HELZ: variants seen among roughly 807,000 people sequenced by gnomAD.
HELZ encodes helicase with zinc finger.
In HELZ, 23 loss-of-function variants were observed where a neutral mutation model predicts 218.2. The observed-to-expected ratio is 0.11, with a 90% CI of 0.08 to 0.15. The LOEUF (loss-of-function observed/expected upper bound fraction) is 0.15, where lower values mean the gene tolerates loss of function less well. HELZ is among the 10% of genes least tolerant of loss of function. The pLI is 1.00. For missense variants in HELZ, 1,813 were observed against 2,353.7 expected, an observed-to-expected ratio of 0.77 and a Z score of 4.75; for synonymous variants, 814 against 829.4, an observed-to-expected ratio of 0.98 and a Z score of 0.32.
At chr17:67,142,532 A>T (rs1402782935) in intron 21 of HELZ, among the ~76,000 whole-genome samples, 1 of 152,138 alleles carries the variant, frequency 6.6e-6, no homozygotes, top group Admixed American at 6.6e-5. Context: ...ACAAACAGGC[A>T]GAGATTTTCA....
intron 14 of HELZ, 71 bp from the exon 15 acceptor site, chr17:67,166,679 C>T (rs1399721047): frequency 7.3e-7 from 1 of 1,367,478 alleles, no homozygotes; most frequent in Non-Finnish European, 1.0e-6. Flanking sequence ...CACTAGAATA[C>T]TTTGGGAGGA....
At chr17:67,215,844 AT>A in intron 5 of HELZ, 54 bp downstream of exon 5, 1 of 1,200,836 alleles carries the variant, frequency 8.3e-7, no homozygotes, top group Non-Finnish European at 1.2e-6. Context: ...AAAAAAAAAA[AT>A]CAAACCTTAA....
At chr17:67,204,065 G>A (rs902938188) in intron 5 of HELZ, among the ~76,000 whole-genome samples, 1 of 152,160 alleles carries the variant, frequency 6.6e-6, no homozygotes, top group African/African-American at 2.4e-5. Context: ...CACAGCAACT[G>A]CTAATGGTTC....
intron 25 of HELZ, 142 bp downstream of exon 25, chr17:67,123,815 CTGTGTG>C (rs58616216): frequency 3.0e-4 from 160 of 534,728 alleles, no homozygotes; most frequent in Admixed American, 1.1e-3. Flanking sequence ...TCCAAAGTGA[CTGTGTG>C]TGTGTGTGTG....
At chr17:67,201,703 C>T (rs1381274068) in intron 6 of HELZ, among the ~76,000 whole-genome samples, 1 of 152,126 alleles carries the variant, frequency 6.6e-6, no homozygotes, top group Non-Finnish European at 1.5e-5. Flanking sequence ...TTACTCTTTA[C>T]TCGTTTTAAA....
chr17:67,190,938 G>T (rs1030239176), intron 9 of HELZ, among the ~76,000 whole-genome samples: 1 of 151,940 alleles, frequency 6.6e-6, no homozygotes, highest in African/African-American at 2.4e-5. Context: ...TTGAACTCCT[G>T]ACTTGGTGAT....
At chr17:67,099,576 AAAG>A (rs2036858619) in intron 31 of HELZ, among the ~76,000 whole-genome samples, 1 of 152,234 alleles carries the variant, frequency 6.6e-6, no homozygotes, top group African/African-American at 2.4e-5. Context: ...GAAATCTAAG[AAAG>A]AAGGAAAAAA....
At chr17:67,145,467 G>C (rs907393432) in intron 21 of HELZ, among the ~76,000 whole-genome samples, 1 of 152,118 alleles carries the variant, frequency 6.6e-6, no homozygotes, top group Non-Finnish European at 1.5e-5. Context: ...TAACAATAAT[G>C]ATCTAATTGA....
chr17:67,212,314 C>CAAA lies in HELZ; in HGVS notation c.247+3582_247+3584dup, dbSNP rs10692832. Among the ~76,000 whole-genome samples, 37 of 21,402 alleles carry CAAA rather than the reference C, an allele frequency of 1.7e-3. 6 individuals carry two copies. Among genetic ancestry groups the CAAA allele is most frequent in the African/African-American group, 4.3e-3 (27 of 6,260 alleles). The allele number at this position is 21,402 out of a possible 152,430, so 14.0% of individuals were successfully genotyped here. ...TGGGCGACAGGGAGAGACACCATCT[C>CAAA]AAAAAAAAAAAAAAAAAAAAAGGCT... On this transcript the variant is annotated intron_variant, in intron 5 of 32. Coordinates refer to ENST00000358691, the MANE Select transcript of HELZ (RefSeq NM_014877.4).
chr17:67,086,948 T>G lies in HELZ; in HGVS notation c.5375A>C (p.Asn1792Thr). ...AQCKELQDHS[N>T]QSSFNFSSPE... ...GGATGAAAAGTTGAAAGAAGATTGGTTACTGTGGTCCTGAAGCTCTTTACA... is the reference window on the plus strand; with the variant it reads ...GGATGAAAAGTTGAAAGAAGATTGGGTACTGTGGTCCTGAAGCTCTTTACA... Residue 1792 changes from asparagine (N) to threonine (T), a missense_variant, in exon 32 of 33, where the codon AAC becomes ACC. Coordinates refer to ENST00000358691, the MANE Select transcript of HELZ (RefSeq NM_014877.4). 1.9e-6 allele frequency: 3 copies of G among 1,613,884 alleles called. 1 individual carries two copies. The highest frequency in any genetic ancestry group is 2.5e-6 in the Non-Finnish European group (3 of 1,180,000).
chr17:67,209,855 T>C (rs972329941), intron 5 of HELZ, among the ~76,000 whole-genome samples: 17 of 152,206 alleles, frequency 1.1e-4, no homozygotes, highest in Non-Finnish European at 2.1e-4. Flanking sequence ...AAATAAATAC[T>C]GTTAACTCAT....
chr17:67,191,521 G>A lies in HELZ; in HGVS notation c.558-1166C>T, dbSNP rs890423466. On this transcript the variant is annotated intron_variant, in intron 9 of 32. Transcript: ENST00000358691. ...GGCTAGAGCGCAGTGGCACGATCTC[G>A]GCTCACTGCAGCCTCTGCCTCCCGG... Among the ~76,000 whole-genome samples, 4 of 151,950 alleles carry A rather than the reference G, an allele frequency of 2.6e-5. No individual in the cohort carries two copies. In the East Asian group the frequency reaches 5.8e-4, roughly 22 times the overall value.
intron 13 of HELZ, among the ~76,000 whole-genome samples, chr17:67,170,297 T>C (rs771775951): frequency 6.6e-6 from 1 of 152,164 alleles, no homozygotes; most frequent in East Asian, 1.9e-4. Context: ...AATACATCCT[T>C]TGAAGTCTAT....
intron 3 of HELZ, among the ~76,000 whole-genome samples, chr17:67,229,573 C>CATTTA: frequency 6.6e-6 from 1 of 152,164 alleles, no homozygotes; most frequent in African/African-American, 2.4e-5. Flanking sequence ...CCATGACAAC[C>CATTTA]ATTCAATTCA....
At chr17:67,201,514 T>C (rs2040168262) in intron 6 of HELZ, among the ~76,000 whole-genome samples, 1 of 152,140 alleles carries the variant, frequency 6.6e-6, no homozygotes, top group South Asian at 2.1e-4. Context: ...GAAAACAACC[T>C]ATTGCTGTTT....
chr17:67,086,631 A>AATATAAATAAAT (rs914625902), intron 32 of HELZ, among the ~76,000 whole-genome samples, 198 bp downstream of exon 32: 1 of 93,318 alleles, frequency 1.1e-5, no homozygotes, highest in African/African-American at 4.8e-5. Flanking sequence ...TATAAATATA[A>AATATAAATAAAT]ATATATATAT....
intron 4 of HELZ, among the ~76,000 whole-genome samples, chr17:67,217,199 C>G (rs2040622096): frequency 6.6e-6 from 1 of 152,182 alleles, no homozygotes; most frequent in African/African-American, 2.4e-5. Flanking sequence ...CCAGCTGTAG[C>G]CTTCTAACCT....
At chr17:67,228,074 G>A (rs1399483204) in intron 3 of HELZ, among the ~76,000 whole-genome samples, 1 of 152,108 alleles carries the variant, frequency 6.6e-6, no homozygotes, top group Non-Finnish European at 1.5e-5. Flanking sequence ...AATTAACTTA[G>A]GTGCAATGAA....
At chr17:67,176,981 CTTT>C (rs113989752) in intron 13 of HELZ, among the ~76,000 whole-genome samples, 8 of 142,876 alleles carry the variant, frequency 5.6e-5, no homozygotes, top group Non-Finnish European at 4.6e-5. Flanking sequence ...TTCAGTTTCT[CTTT>C]TTTTTTTTTT....
Sources: gnomAD v4.1 joint callset for allele counts (sites outside exome capture counted in the v4.1 genomes callset) on GRCh38, gnomAD v4.1.1 for gene constraint, MANE v1.5 for transcripts, NCBI Gene and HGNC (gene_info 2026-07-23, HGNC 2026-07-21) for gene names.